FOXJ3: variants seen among roughly 807,000 people sequenced by gnomAD.
FOXJ3 encodes the protein forkhead box J3.
In FOXJ3, 22 loss-of-function variants were observed where a neutral mutation model predicts 76.1. That is an observed-to-expected ratio of 0.29 (90% CI 0.21 to 0.41). The LOEUF is 0.41. FOXJ3 is among the 10% of genes least tolerant of loss of function. The probability of loss-of-function intolerance (pLI) is 1.00; values close to 1 mark genes in which losing one functional copy is unlikely to be tolerated. For synonymous variants in FOXJ3, 269 were observed against 261.2 expected (o/e 1.03, Z -0.29); for missense variants, 613 against 762.1 (o/e 0.80, Z 2.30).
chr1:42,282,694 T>C (rs1652806006), intron 2 of FOXJ3, among the ~76,000 whole-genome samples: 1 of 152,178 alleles, frequency 6.6e-6, no homozygotes, highest in Non-Finnish European at 1.5e-5. Context: ...TGGAATGTCC[T>C]TTCCTTCTCT....
chr1:42,218,738 G>A (rs1647120810), intron 5 of FOXJ3, among the ~76,000 whole-genome samples: 1 of 152,090 alleles, frequency 6.6e-6, no homozygotes, highest in Non-Finnish European at 1.5e-5. Context: ...ACCTCCCTCA[G>A]AATAAAGATT....
chr1:42,291,079 T>TAGATAGATAGATAGAC (rs1553167254), intron 2 of FOXJ3, among the ~76,000 whole-genome samples: 4 of 125,564 alleles, frequency 3.2e-5, no homozygotes, highest in African/African-American at 1.2e-4. Context: ...GATAGATAGA[T>TAGATAGATAGATAGAC]AGATAGACAG....
chr1:42,252,215 T>A (rs751992689), intron 4 of FOXJ3, among the ~76,000 whole-genome samples: 3 of 152,224 alleles, frequency 2.0e-5, no homozygotes, highest in Non-Finnish European at 4.4e-5. Context: ...TTCCTCCTTG[T>A]ATCTCTGGTA....
intron 1 of FOXJ3, among the ~76,000 whole-genome samples, chr1:42,330,717 T>A (rs1269899949): frequency 6.6e-6 from 1 of 152,072 alleles, no homozygotes; most frequent in Admixed American, 6.5e-5. Flanking sequence ...TCCAGGAAAT[T>A]ACATGAGAAT....
chr1:42,176,822 C>G lies in FOXJ3; in HGVS notation c.*2888G>C, dbSNP rs552722874. 1.6e-4 allele frequency: 24 copies of G among 152,790 alleles called. No individual in the cohort carries two copies. The highest frequency in any genetic ancestry group is 3.4e-4 in the Non-Finnish European group (23 of 68,036). 9.5% of individuals were successfully genotyped at this position (152,790 alleles called of 1,614,324 possible). A position where few individuals can be genotyped will look rare whatever the true frequency, so the allele number is the denominator to read the frequency against. ...CATATATACAATATAGATATGTACACATCACCCTCTGAATGAACAATATCA... is the reference window on the plus strand; with the variant it reads ...CATATATACAATATAGATATGTACAGATCACCCTCTGAATGAACAATATCA... On this transcript the variant is annotated 3_prime_UTR_variant, in exon 13 of 13. Coordinates refer to ENST00000361346, the MANE Select transcript of FOXJ3 (RefSeq NM_014947.5).
chr1:42,311,028 G>GAA (rs200511460), intron 2 of FOXJ3, 22 bp downstream of exon 2: 1,498 of 1,197,040 alleles, frequency 1.3e-3, no homozygotes, highest in South Asian at 2.7e-3. Flanking sequence ...TTCTAATAAA[G>GAA]AAAAAAAAAA....
chr1:42,294,052 G>T (rs1653617903), intron 2 of FOXJ3, among the ~76,000 whole-genome samples: 1 of 152,148 alleles, frequency 6.6e-6, no homozygotes. Context: ...TTGTCAGATT[G>T]AATAGAATTG....
chr1:42,264,636 T>C (rs1651329558), intron 4 of FOXJ3, among the ~76,000 whole-genome samples: 1 of 150,924 alleles, frequency 6.6e-6, no homozygotes, highest in Non-Finnish European at 1.5e-5. Context: ...AAGGGAGGAG[T>C]CACCATAGAA....
intron 11 of FOXJ3, among the ~76,000 whole-genome samples, chr1:42,187,147 C>T (rs1375702182): frequency 2.6e-5 from 4 of 151,398 alleles, no homozygotes; most frequent in African/African-American, 7.4e-5. Flanking sequence ...CATGCCTGGC[C>T]GAGACTGCCT....
chr1:42,268,898 G>C (rs946469334), intron 3 of FOXJ3, among the ~76,000 whole-genome samples: 1 of 152,072 alleles, frequency 6.6e-6, no homozygotes, highest in Non-Finnish European at 1.5e-5. Flanking sequence ...GTTTATAAAA[G>C]AGGCCTCAGA....
chr1:42,307,128 G>A (rs1654518886), intron 2 of FOXJ3, among the ~76,000 whole-genome samples: 1 of 152,220 alleles, frequency 6.6e-6, no homozygotes, highest in Non-Finnish European at 1.5e-5. Flanking sequence ...TTTCATAAGA[G>A]CCATTTCCCC....
At chr1:42,246,644 A>G (rs181434385) in intron 4 of FOXJ3, among the ~76,000 whole-genome samples, 3 of 151,888 alleles carry the variant, frequency 2.0e-5, no homozygotes, top group Non-Finnish European at 4.4e-5. Flanking sequence ...AAAAAAAAAA[A>G]CACTAAAAAT....
rs1557725916 is a variant in FOXJ3, at chr1:42,324,104, G to GTATATATACTGTATATACAGTGTA, written c.-18+10954_-18+10955insTACACTGTATATACAGTATATATA. On this transcript the variant is annotated intron_variant, in intron 1 of 12. Coordinates refer to ENST00000361346, the MANE Select transcript of FOXJ3 (RefSeq NM_014947.5). The stretch of plus-strand genomic sequence containing the variant: ...AGTATATATACTGTATATATACTGT[G>GTATATATACTGTATATACAGTGTA]TATATACACTGTATATACACAGTGT... Among the ~76,000 whole-genome samples the GTATATATACTGTATATACAGTGTA allele has an allele frequency of 2.2e-5, 2 of 88,946 alleles. 1 individual carries two copies. The highest frequency in any genetic ancestry group is 1.0e-4 in the African/African-American group (2 of 19,698). The allele number at this position is 88,946 out of a possible 152,430, so 58.4% of individuals were successfully genotyped here. A position where few individuals can be genotyped will look rare whatever the true frequency, so the allele number is the denominator to read the frequency against.
Position 42,181,895 on chromosome 1 carries a change from TCA to T in FOXJ3, c.1753+20_1753+21del, listed in dbSNP as rs774038033. The stretch of plus-strand genomic sequence containing the variant: ...CACACACACACACACACACACACAC[TCA>T]CTCTCTCTCTCTCTCTTACCTGCCA... On this transcript the variant is annotated intron_variant, in intron 12 of 12. Transcript: ENST00000361346. 1.1e-4 allele frequency: 138 copies of T among 1,217,174 alleles called. No homozygotes were observed. In the African/African-American group the frequency reaches 1.8e-3, roughly 16 times the overall value. 75.4% of individuals were successfully genotyped at this position (1,217,174 alleles called of 1,614,324 possible).
At chr1:42,234,837 C>T (rs1037588736) in intron 4 of FOXJ3, among the ~76,000 whole-genome samples, 2 of 152,138 alleles carry the variant, frequency 1.3e-5, no homozygotes, top group African/African-American at 4.8e-5. Flanking sequence ...TTAGGCTACT[C>T]GGTGCCTCCA....
rs1656265155 is a variant in FOXJ3, at chr1:42,333,244, A to G, written c.-18+1815T>C. Reference sequence around the variant, plus strand: ...AGGGAATATACGAACTGTACCAGATAAAAGGAAAAAAATGTCAAAAATATA... The same window carrying G: ...AGGGAATATACGAACTGTACCAGATGAAAGGAAAAAAATGTCAAAAATATA... On this transcript the variant is annotated intron_variant, in intron 1 of 12. Coordinates refer to ENST00000361346, the MANE Select transcript of FOXJ3 (RefSeq NM_014947.5). Among the ~76,000 whole-genome samples the G allele has an allele frequency of 2.0e-5, 3 of 152,196 alleles. No individual in the cohort carries two copies. In the South Asian group the frequency reaches 6.2e-4, roughly 32 times the overall value.
rs184441481 is a variant in FOXJ3, at chr1:42,179,679, G to C, written c.*31C>G. ...TCCCTTCACTGCACAGAAAGGTAAC[G>C]TTAGGGTCTGGTGTCTTGCAGAAAC... On this transcript the variant is annotated 3_prime_UTR_variant, in exon 13 of 13. Coordinates refer to ENST00000361346, the MANE Select transcript of FOXJ3 (RefSeq NM_014947.5). The C allele has an allele frequency of 7.4e-7, 1 of 1,359,838 alleles. No homozygotes were observed. The highest frequency in any genetic ancestry group is 1.1e-6 in the Non-Finnish European group (1 of 948,800). The allele number at this position is 1,359,838 out of a possible 1,614,324, so 84.2% of individuals were successfully genotyped here.
At position 42,283,581 on chromosome 1, in the gene FOXJ3, A is replaced by G. The variant is rs983160422; in HGVS notation, c.45-4909T>C. ...AAGAATAAGAATAATGAGGGTAACAATGTTGTGACCCAAATATTACTGAAT... is the reference window on the plus strand; with the variant it reads ...AAGAATAAGAATAATGAGGGTAACAGTGTTGTGACCCAAATATTACTGAAT... On this transcript the variant is annotated intron_variant, in intron 2 of 12. Coordinates refer to ENST00000361346, the MANE Select transcript of FOXJ3 (RefSeq NM_014947.5). Among the ~76,000 whole-genome samples, 8 of 152,350 alleles carry G rather than the reference A, an allele frequency of 5.3e-5. No individual in the cohort carries two copies. In the East Asian group the frequency reaches 1.2e-3, roughly 22 times the overall value.
At chr1:42,335,357 G>C (rs951872980), upstream of FOXJ3, 2 of 152,230 alleles carry the variant, frequency 1.3e-5, no homozygotes, top group East Asian at 1.9e-4. Flanking sequence ...ACGCACGCAG[G>C]ATCCCTCCGC....
Sources: allele counts gnomAD v4.1 joint callset (sites outside exome capture counted in the v4.1 genomes callset), GRCh38; gene constraint gnomAD v4.1.1; transcripts MANE v1.5; gene names NCBI Gene and HGNC (gene_info 2026-07-23, HGNC 2026-07-21).